Variants in NOL4 observed in about 807,000 individuals in gnomAD.
NOL4 encodes cancer/testis antigen 125.
Under a neutral mutation model 75.9 loss-of-function variants are expected in NOL4, and 17 were observed. The ratio of observed to expected loss-of-function variants is 0.22; its 90% CI spans 0.15 to 0.34. NOL4 has a LOEUF of 0.34. Ranked by LOEUF, NOL4 falls within the 10% of genes least tolerant of loss-of-function variation. The probability of loss-of-function intolerance (pLI) is 1.00; values close to 1 mark genes in which losing one functional copy is unlikely to be tolerated. For synonymous variants in NOL4, 292 were observed against 289.9 expected (o/e 1.01, Z -0.07); for missense variants, 614 against 793.5 (o/e 0.77, Z 2.72).
At chr18:34,051,268 T>C (rs973831748) in intron 5 of NOL4, among the ~76,000 whole-genome samples, 4 of 152,064 alleles carry the variant, frequency 2.6e-5, no homozygotes, top group African/African-American at 9.7e-5. Context: ...ATGACTGTAA[T>C]ATTTAATAAA....
At chr18:34,143,767 A>G (rs930818043) in intron 1 of NOL4, among the ~76,000 whole-genome samples, 5 of 151,490 alleles carry the variant, frequency 3.3e-5, no homozygotes, top group African/African-American at 9.7e-5. Context: ...CAGGAGGCTG[A>G]AGCAGGAGAA....
chr18:34,056,069 T>C (rs550167540), intron 5 of NOL4, among the ~76,000 whole-genome samples: 1 of 152,224 alleles, frequency 6.6e-6, no homozygotes, highest in Non-Finnish European at 1.5e-5. Flanking sequence ...TTGAGCTTAC[T>C]GACCATATTT....
chr18:34,222,203 C>A (rs765221348), intron 1 of NOL4: 6 of 1,445,514 alleles, frequency 4.2e-6, no homozygotes, highest in South Asian at 1.4e-5. Flanking sequence ...TGGGCTAGAG[C>A]TTTGTGGCCA....
intron 1 of NOL4, among the ~76,000 whole-genome samples, chr18:34,184,372 A>C (rs1468766710): frequency 6.6e-6 from 1 of 152,064 alleles, no homozygotes; most frequent in Non-Finnish European, 1.5e-5. Context: ...TTTCAAATTT[A>C]GTAATATAAT....
rs570179543 is a variant in NOL4 at position 34,092,529 on chromosome 18, C to A, written c.772+936G>T. ...GCCAACACAAACAGAACACAAATAG[C>A]AGCTAGAAATACAGCAATCTTTTGC... On this transcript the variant is annotated intron_variant, in intron 5 of 10. Coordinates refer to ENST00000261592, the MANE Select transcript of NOL4 (RefSeq NM_003787.5). 7.9e-5 allele frequency among the ~76,000 whole-genome samples: 12 copies of A among 152,224 alleles called. No homozygotes were observed. In the South Asian group the frequency reaches 2.3e-3, roughly 29 times the overall value.
intron 9 of NOL4, among the ~76,000 whole-genome samples, chr18:33,898,821 T>C (rs1460927302): frequency 1.3e-5 from 2 of 152,184 alleles, no homozygotes; most frequent in African/African-American, 4.8e-5. Flanking sequence ...CCAAAGTTCC[T>C]TGCATGCAGA....
At position 34,105,095 on chromosome 18, in the gene NOL4, C is replaced by T. The variant is rs746692432; in HGVS notation, c.480G>A (p.Glu160=). 1 of 1,612,320 alleles carries T rather than the reference C, an allele frequency of 6.2e-7. No individual in the cohort carries two copies. The highest frequency in any genetic ancestry group is 8.5e-7 in the Non-Finnish European group (1 of 1,178,682). ...GGTTTAAATGCATTCTTTTCTGGCA[C>T]TCTGAGCAGCTCATTAGAAATCGTG... The part of the protein sequence containing the change: ...AVTRFLMSCS[E]CQKRMHLNPD... The change falls in exon 3 of 11, where the codon GAG becomes GAA. Residue 160 remains glutamate (E), a synonymous_variant. Coordinates refer to ENST00000261592, the MANE Select transcript of NOL4 (RefSeq NM_003787.5).
intron 1 of NOL4, among the ~76,000 whole-genome samples, chr18:34,203,575 A>G (rs886958780): frequency 2.0e-5 from 3 of 151,954 alleles, no homozygotes; most frequent in Non-Finnish European, 4.4e-5. Context: ...AGTAAGTGTA[A>G]TATTTCTTAC....
intron 6 of NOL4, among the ~76,000 whole-genome samples, chr18:33,986,695 C>T (rs888204112): frequency 6.6e-6 from 1 of 152,228 alleles, no homozygotes; most frequent in East Asian, 1.9e-4. Context: ...GATATAGCCA[C>T]TTTGACAATC....
intron 5 of NOL4, among the ~76,000 whole-genome samples, chr18:34,027,783 C>T (rs2075420582): frequency 6.6e-6 from 1 of 151,938 alleles, no homozygotes; most frequent in Non-Finnish European, 1.5e-5. Flanking sequence ...AAAAAATCAA[C>T]AGAAGAAGAG....
intron 6 of NOL4, among the ~76,000 whole-genome samples, chr18:34,001,098 T>C (rs780391434): frequency 1.8e-4 from 28 of 152,174 alleles, no homozygotes; most frequent in Non-Finnish European, 2.9e-4. Context: ...TATCTTAATG[T>C]ACATCAACAG....
chr18:33,947,224 T>C (rs1429381302), intron 8 of NOL4, among the ~76,000 whole-genome samples: 1 of 151,846 alleles, frequency 6.6e-6, no homozygotes, highest in Non-Finnish European at 1.5e-5. Context: ...AACTAGTGTT[T>C]AGTACGTGCT....
intron 10 of NOL4, among the ~76,000 whole-genome samples, chr18:33,860,300 A>C (rs1231959210): frequency 6.6e-6 from 1 of 151,892 alleles, no homozygotes; most frequent in Non-Finnish European, 1.5e-5. Context: ...CTCCCCCCAA[A>C]TCTCACATCC....
At chr18:34,176,327 G>A (rs2033544145) in intron 1 of NOL4, among the ~76,000 whole-genome samples, 1 of 151,946 alleles carries the variant, frequency 6.6e-6, no homozygotes, top group Non-Finnish European at 1.5e-5. Context: ...GAACCTTAGA[G>A]GCCTGCAAGA....
chr18:34,152,660 A>G (rs2081701028), intron 1 of NOL4, among the ~76,000 whole-genome samples: 1 of 151,906 alleles, frequency 6.6e-6, no homozygotes, highest in Non-Finnish European at 1.5e-5. Context: ...AAACCTCTCA[A>G]TAGTCACCAA....
At chr18:34,088,009 A>AAT (rs200480600) in intron 5 of NOL4, among the ~76,000 whole-genome samples, 49 of 151,604 alleles carry the variant, frequency 3.2e-4, no homozygotes, top group Non-Finnish European at 4.7e-4. Context: ...TTAAAATGCA[A>AAT]ATATATATAT....
At chr18:34,122,217 G>A (rs1247264297) in intron 2 of NOL4, among the ~76,000 whole-genome samples, 1 of 152,066 alleles carries the variant, frequency 6.6e-6, no homozygotes, top group Non-Finnish European at 1.5e-5. Context: ...GGGTGGAGGG[G>A]GAAATGGGGA....
chr18:34,159,257 G>A (rs1160597004), intron 1 of NOL4, among the ~76,000 whole-genome samples: 1 of 152,202 alleles, frequency 6.6e-6, no homozygotes, highest in South Asian at 2.1e-4. Context: ...AGGGGGAGCA[G>A]TGCTCCCAAC....
chr18:33,894,243 G>C (rs1011793601), intron 9 of NOL4, among the ~76,000 whole-genome samples: 1 of 152,008 alleles, frequency 6.6e-6, no homozygotes, highest in Non-Finnish European at 1.5e-5. Context: ...ATGCTTTTCT[G>C]CTAAGAAAAA....
Sources: gnomAD v4.1 joint callset for allele counts (sites outside exome capture counted in the v4.1 genomes callset) on GRCh38, gnomAD v4.1.1 for gene constraint, MANE v1.5 for transcripts, NCBI Gene and HGNC (gene_info 2026-07-23, HGNC 2026-07-21) for gene names.